BNC2: variants seen among roughly 807,000 people sequenced by gnomAD.
The protein encoded by BNC2 is zinc finger protein basonuclin-2.
BNC2 carries 20 observed loss-of-function variants against 76.3 expected under a neutral mutation model. The observed-to-expected ratio is 0.26, with a 90% CI of 0.18 to 0.38. The LOEUF is 0.38. BNC2 is among the 10% of genes least tolerant of loss of function. The pLI is 1.00. For synonymous variants in BNC2, 582 were observed against 514.8 expected (o/e 1.13, Z -1.77); for missense variants, 1,382 against 1,399.8 (o/e 0.99, Z 0.20).
intron 3 of BNC2, among the ~76,000 whole-genome samples, chr9:16,684,185 T>C (rs908713441): frequency 3.9e-5 from 6 of 152,164 alleles, no homozygotes; most frequent in African/African-American, 9.7e-5. Context: ...CAATCACCCA[T>C]GACAGACCAT....
In BNC2 at chr9:16,847,594, T is replaced by C. The variant is rs1019458192; in HGVS notation, c.3+23052A>G. On this transcript the variant is annotated intron_variant, in intron 1 of 6. Coordinates refer to ENST00000380672, the MANE Select transcript of BNC2 (RefSeq NM_017637.6). ...AGAACATTAAATTCTAAGACTAAAA[T>C]ATACAAGGTAGTATAACTTAATTTT... is the stretch of plus-strand genomic sequence containing the variant. Among the ~76,000 whole-genome samples, 14 of 152,166 alleles carry C rather than the reference T, an allele frequency of 9.2e-5. No individual in the cohort carries two copies. The South Asian group carries it at 1.7e-3, about 18-fold the overall frequency.
intron 3 of BNC2, among the ~76,000 whole-genome samples, chr9:16,691,040 C>G (rs758699176): frequency 3.3e-5 from 5 of 152,116 alleles, no homozygotes; most frequent in Admixed American, 1.3e-4. Context: ...TTCACAGCCA[C>G]AAACAACAAC....
chr9:16,470,860 T>C (rs768138138), intron 5 of BNC2, among the ~76,000 whole-genome samples: 4 of 151,948 alleles, frequency 2.6e-5, no homozygotes, highest in East Asian at 3.9e-4. Flanking sequence ...AAGGGAAACA[T>C]AGGGAAGGAG....
intron 1 of BNC2, among the ~76,000 whole-genome samples, chr9:16,859,792 G>A (rs1177706726): frequency 6.6e-6 from 1 of 152,198 alleles, no homozygotes; most frequent in African/African-American, 2.4e-5. Context: ...TGTACGTTAA[G>A]TTACAGAAAA....
chr9:16,475,490 A>C (rs1290001034), intron 5 of BNC2, among the ~76,000 whole-genome samples: 1 of 152,182 alleles, frequency 6.6e-6, no homozygotes, highest in Admixed American at 6.5e-5. Flanking sequence ...AGCTCACTTA[A>C]GCATCCACTC....
chr9:16,449,807 T>C (rs1821301751), intron 5 of BNC2, among the ~76,000 whole-genome samples: 3 of 107,532 alleles, frequency 2.8e-5, no homozygotes, highest in Admixed American at 1.5e-4. Flanking sequence ...GAATGGGAGG[T>C]GAAAAGCAAT....
At chr9:16,795,480 G>A (rs948842718) in intron 1 of BNC2, among the ~76,000 whole-genome samples, 1 of 151,934 alleles carries the variant, frequency 6.6e-6, no homozygotes, top group Non-Finnish European at 1.5e-5. Flanking sequence ...AATCCTGGAA[G>A]GGAAAGAATG....
In BNC2 at chr9:16,605,784, CT is replaced by C. The variant is rs34431220; in HGVS notation, c.331-22700del. 4.4e-3 allele frequency among the ~76,000 whole-genome samples: 483 copies of C among 110,740 alleles called. 3 individuals carry two copies. The highest frequency in any genetic ancestry group is 0.017 in the Middle Eastern group (3 of 178). The allele number at this position is 110,740 out of a possible 152,430, so 72.6% of individuals were successfully genotyped here. On this transcript the variant is annotated intron_variant, in intron 3 of 6. Transcript: ENST00000380672. ...TAAAGAGTCCAACCTTTCAAGAATTCTTTTTTTTTTTTTTTTTTTTTTGAGA... is the reference window on the plus strand; with the variant it reads ...TAAAGAGTCCAACCTTTCAAGAATTCTTTTTTTTTTTTTTTTTTTTTGAGA...
chr9:16,609,659 T>C (rs1820487928), intron 3 of BNC2, among the ~76,000 whole-genome samples: 1 of 152,146 alleles, frequency 6.6e-6, no homozygotes, highest in African/African-American at 2.4e-5. Context: ...CCCAGGAGTG[T>C]GCTTTATGGA....
chr9:16,577,025 C>T (rs530522582), intron 4 of BNC2, among the ~76,000 whole-genome samples: 39 of 152,236 alleles, frequency 2.6e-4, no homozygotes, highest in South Asian at 1.0e-3. Context: ...CGTGAGCCAC[C>T]GCGCCTGGCC....
At chr9:16,614,498 C>T (rs776717796) in intron 3 of BNC2, among the ~76,000 whole-genome samples, 13 of 151,130 alleles carry the variant, frequency 8.6e-5, no homozygotes, top group African/African-American at 1.2e-4. Context: ...CCATCTAATC[C>T]ATGTAAATGC....
chr9:16,544,026 A>C (rs1818399886), intron 5 of BNC2, among the ~76,000 whole-genome samples: 1 of 152,230 alleles, frequency 6.6e-6, no homozygotes, highest in Admixed American at 6.5e-5. Flanking sequence ...CATATTGGTG[A>C]CATAATGCAG....
chr9:16,507,452 G>A (rs189771838), intron 5 of BNC2, among the ~76,000 whole-genome samples: 2 of 151,902 alleles, frequency 1.3e-5, no homozygotes, highest in East Asian at 1.9e-4. Flanking sequence ...TTTTTGAGAC[G>A]AAGTCTCACT....
intron 5 of BNC2, among the ~76,000 whole-genome samples, chr9:16,525,074 GGA>G (rs1205443034): frequency 1.4e-5 from 2 of 142,486 alleles, no homozygotes; most frequent in African/African-American, 5.2e-5. Context: ...CCGGAGTGGG[GGA>G]GGGGGGGGGA....
rs1357608788 is a variant in BNC2 at position 16,514,412 on chromosome 9, G to A, written c.669+38118C>T. ...AAGTGGGGCTTCAGTATGCAGAGCAGGGAGATCAGAATGATGAGCAAAAGC... is the reference window on the plus strand; with the variant it reads ...AAGTGGGGCTTCAGTATGCAGAGCAAGGAGATCAGAATGATGAGCAAAAGC... On this transcript the variant is annotated intron_variant, in intron 5 of 6. Coordinates refer to ENST00000380672, the MANE Select transcript of BNC2 (RefSeq NM_017637.6). Among the ~76,000 whole-genome samples, 5 of 152,302 alleles carry A rather than the reference G, an allele frequency of 3.3e-5. No homozygotes were observed. In the East Asian group the frequency reaches 7.7e-4, roughly 24 times the overall value.
rs1821032504 is a variant in BNC2 at position 16,437,067 on chromosome 9, T to G, written c.1127A>C (p.Tyr376Ser). Residue 376 changes from tyrosine (Y) to serine (S), a missense_variant, in exon 6 of 7, where the codon TAT becomes TCT. By Grantham distance (144) the Tyr-to-Ser change is moderately radical. This residue lies in a region of BNC2 where 557 missense variants were observed against 540.9 expected (regional missense o/e 1.03). Coordinates refer to ENST00000380672, the MANE Select transcript of BNC2 (RefSeq NM_017637.6). Reference protein sequence around the residue: ...SSESEVSPTPYKNDQTPNRNA... With the variant: ...SSESEVSPTPSKNDQTPNRNA... ...TCTATTGGGTGTTTGATCATTCTTA[T>G]AAGGTGTGGGAGAAACTTCGGATTC... 6.2e-7 allele frequency: 1 copy of G among 1,614,018 alleles called. No individual in the cohort carries two copies.
chr9:16,854,356 C>T (rs1819201311), intron 1 of BNC2, among the ~76,000 whole-genome samples: 1 of 152,130 alleles, frequency 6.6e-6, no homozygotes, highest in South Asian at 2.1e-4. Context: ...AATCTTAACC[C>T]TTATTTTAGG....
At chr9:16,614,309 G>A (rs1038892089) in intron 3 of BNC2, among the ~76,000 whole-genome samples, 16 of 152,042 alleles carry the variant, frequency 1.1e-4, no homozygotes, top group African/African-American at 3.4e-4. Flanking sequence ...GCAAGGATGG[G>A]GGTCTTACTC....
chr9:16,641,494 C>T (rs1415472), intron 3 of BNC2, among the ~76,000 whole-genome samples: 19,322 of 152,210 alleles, frequency 0.13, 1,976 homozygotes, highest in African/African-American at 0.28. Flanking sequence ...CTATCCCAAT[C>T]TGTTGCCTCT....
Sources: allele counts gnomAD v4.1 joint callset (sites outside exome capture counted in the v4.1 genomes callset), GRCh38; gene constraint gnomAD v4.1.1; regional missense constraint gnomAD v4.1.1; transcripts MANE v1.5; gene names NCBI Gene and HGNC (gene_info 2026-07-23, HGNC 2026-07-21).